The following ERBB4 variants were observed in gnomAD, a reference collection of about 807,000 sequenced individuals.
ERBB4 encodes receptor tyrosine-protein kinase erbB-4.
ERBB4 carries 42 observed loss-of-function variants against 158.0 expected under a neutral mutation model. The observed-to-expected ratio is 0.27, with a 90% confidence interval of 0.21 to 0.34. ERBB4 has a LOEUF of 0.34. Among genes scored for constraint, ERBB4 ranks in the 10% least tolerant of loss-of-function variants. ERBB4 has a pLI of 1.00. For synonymous variants in ERBB4, 583 were observed against 558.7 expected (o/e 1.04, Z -0.61); for missense variants, 1,333 against 1,624.1 (o/e 0.82, Z 3.08).
intron 19 of ERBB4, among the ~76,000 whole-genome samples, chr2:211,590,798 G>A (rs2068437815): frequency 6.6e-6 from 1 of 152,172 alleles, no homozygotes; most frequent in Non-Finnish European, 1.5e-5. Context: ...CAAGTAAGGC[G>A]AACCCATTGG....
At chr2:212,303,100 AG>A (rs1368541577) in intron 1 of ERBB4, among the ~76,000 whole-genome samples, 3 of 151,426 alleles carry the variant, frequency 2.0e-5, no homozygotes, top group African/African-American at 7.3e-5. Context: ...TTTGCATTCC[AG>A]GGGTAAGTGG....
intron 2 of ERBB4, among the ~76,000 whole-genome samples, chr2:212,055,880 T>G (rs1331593502): frequency 1.3e-5 from 2 of 152,196 alleles, no homozygotes; most frequent in Non-Finnish European, 2.9e-5. Flanking sequence ...CCTCTCCCCG[T>G]CCAAAGGAGC....
At chr2:212,161,682 A>G (rs2081205943) in intron 1 of ERBB4, among the ~76,000 whole-genome samples, 1 of 151,908 alleles carries the variant, frequency 6.6e-6, no homozygotes, top group Non-Finnish European at 1.5e-5. Flanking sequence ...TTTGAATGAA[A>G]TTATAAGGAA....
rs74670936 is a variant in ERBB4, at chr2:212,385,588, T to C, written c.82+152861A>G. ...TCAAGTTTATGCTCCTGAAATAATT[T>C]TGAGAACTGAAATTTTGATTATTCT... is the stretch of plus-strand genomic sequence containing the variant. On this transcript the variant is annotated intron_variant, in intron 1 of 27. Transcript: ENST00000342788. Among the ~76,000 whole-genome samples the C allele has an allele frequency of 2.2e-3, 327 of 152,046 alleles. 4 individuals are homozygous for C. Among genetic ancestry groups the C allele is most frequent in the African/African-American group, 7.5e-3 (310 of 41,548 alleles).
At chr2:211,422,284 T>A (rs2063529135) in intron 23 of ERBB4, among the ~76,000 whole-genome samples, 180 bp from the exon 24 acceptor site, 2 of 151,924 alleles carry the variant, frequency 1.3e-5, no homozygotes, top group African/African-American at 2.4e-5. Flanking sequence ...GGTCTCTTTG[T>A]TGATATTCAT....
rs1162441612 is a variant in ERBB4, at chr2:212,373,973, C to CAT, written c.82+164474_82+164475dup. ...TATCATATATATATCCATATATATC[C>CAT]ATATATATATATCCATATATATCCA... On this transcript the variant is annotated intron_variant, in intron 1 of 27. Coordinates refer to ENST00000342788, the MANE Select transcript of ERBB4 (RefSeq NM_005235.3). 1.4e-4 allele frequency among the ~76,000 whole-genome samples: 12 copies of CAT among 88,732 alleles called. 1 individual carries two copies. The highest frequency in any genetic ancestry group is 1.3e-3 in the East Asian group (5 of 3,998). 58.2% of individuals were successfully genotyped at this position (88,732 alleles called of 152,430 possible). A position where few individuals can be genotyped will look rare whatever the true frequency, so the allele number is the denominator to read the frequency against.
chr2:212,143,229 A>G (rs1166922724), intron 1 of ERBB4, among the ~76,000 whole-genome samples: 2 of 152,222 alleles, frequency 1.3e-5, no homozygotes, highest in African/African-American at 4.8e-5. Flanking sequence ...GATTTCAAAG[A>G]TCATGCTTGC....
chr2:212,366,051 A>G (rs2089878667), intron 1 of ERBB4, among the ~76,000 whole-genome samples: 1 of 151,896 alleles, frequency 6.6e-6, no homozygotes, highest in African/African-American at 2.4e-5. Context: ...TTGATATGTC[A>G]TTCAGTGGCA....
At chr2:211,537,922 T>C (rs1174331395) in intron 20 of ERBB4, among the ~76,000 whole-genome samples, 2 of 151,950 alleles carry the variant, frequency 1.3e-5, no homozygotes, top group Non-Finnish European at 2.9e-5. Flanking sequence ...ATTTTTTAAA[T>C]GTGAAATTTT....
At chr2:211,971,604 A>C (rs2081455202) in intron 2 of ERBB4, among the ~76,000 whole-genome samples, 1 of 152,198 alleles carries the variant, frequency 6.6e-6, no homozygotes, top group Non-Finnish European at 1.5e-5. Context: ...CACGCAAAAA[A>C]GAAAACTTCA....
intron 1 of ERBB4, among the ~76,000 whole-genome samples, chr2:212,442,533 C>T (rs1330498086): frequency 6.6e-6 from 1 of 152,092 alleles, no homozygotes; most frequent in East Asian, 1.9e-4. Context: ...CCAGGAGACC[C>T]AAAAGATCAC....
intron 2 of ERBB4, among the ~76,000 whole-genome samples, chr2:212,031,588 G>A (rs1379460112): frequency 1.3e-5 from 2 of 152,132 alleles, no homozygotes; most frequent in Non-Finnish European, 2.9e-5. Context: ...CTCTTGCAGA[G>A]CAGTTGATGA....
intron 2 of ERBB4, among the ~76,000 whole-genome samples, chr2:212,057,316 C>A (rs1202754645): frequency 6.6e-6 from 1 of 152,108 alleles, no homozygotes; most frequent in Non-Finnish European, 1.5e-5. Context: ...CTTAGACTCC[C>A]ACACAATAAT....
At chr2:212,463,678 G>A (rs145294920) in intron 1 of ERBB4, among the ~76,000 whole-genome samples, 174 of 152,032 alleles carry the variant, frequency 1.1e-3, no homozygotes, top group African/African-American at 2.6e-3. Context: ...AAAATGATAC[G>A]TTACAATGCC....
At chr2:211,971,524 G>T (rs2125203062) in intron 2 of ERBB4, among the ~76,000 whole-genome samples, 1 of 152,146 alleles carries the variant, frequency 6.6e-6, no homozygotes, top group Non-Finnish European at 1.5e-5. Flanking sequence ...CCAAAAAATT[G>T]AGAAGGACCT....
intron 4 of ERBB4, among the ~76,000 whole-genome samples, chr2:211,755,371 G>A (rs1056857939): frequency 1.3e-5 from 2 of 152,184 alleles, no homozygotes; most frequent in South Asian, 2.1e-4. Context: ...GCTTGTTGGC[G>A]CACGCCTGCT....
At chr2:212,278,045 G>A (rs1171556385) in intron 1 of ERBB4, among the ~76,000 whole-genome samples, 1 of 151,610 alleles carries the variant, frequency 6.6e-6, no homozygotes, top group East Asian at 1.9e-4. Context: ...TTGAAAAAAT[G>A]TCTCTTTTCT....
At chr2:212,251,202 T>C (rs963369210) in intron 1 of ERBB4, among the ~76,000 whole-genome samples, 1 of 152,046 alleles carries the variant, frequency 6.6e-6, no homozygotes, top group Admixed American at 6.6e-5. Flanking sequence ...GAATTATATA[T>C]ACAGTTTGCT....
chr2:211,712,896 C>T (rs558564689), intron 8 of ERBB4, among the ~76,000 whole-genome samples: 3 of 152,066 alleles, frequency 2.0e-5, no homozygotes, highest in African/African-American at 7.2e-5. Flanking sequence ...CTCCCTGATA[C>T]TTTGAAAAGT....
Sources: gnomAD v4.1 joint callset for allele counts (sites outside exome capture counted in the v4.1 genomes callset) on GRCh38, gnomAD v4.1.1 for gene constraint, MANE v1.5 for transcripts, NCBI Gene and HGNC (gene_info 2026-07-23, HGNC 2026-07-21) for gene names.